Variants in CDKAL1 observed in about 807,000 individuals in gnomAD.
The protein encoded by CDKAL1 is CDKAL1 threonylcarbamoyladenosine tRNA methylthiotransferase.
A neutral mutation model predicts 68.2 loss-of-function variants in CDKAL1; 32 were observed. The ratio of observed to expected loss-of-function variants is 0.47; its 90% CI spans 0.35 to 0.63. CDKAL1 has a LOEUF of 0.63. CDKAL1 is among the 30% of genes least tolerant of loss of function. The pLI, the probability that CDKAL1 is intolerant of heterozygous loss-of-function variation, is 0.00. For synonymous variants in CDKAL1, 234 were observed against 244.3 expected, an observed-to-expected ratio of 0.96 and a Z score of 0.39; for missense variants, 606 against 696.7, an observed-to-expected ratio of 0.87 and a Z score of 1.47.
In CDKAL1 at chr6:20,535,332, A is replaced by T. The variant is rs1763125582; in HGVS notation, c.-49-19A>T. On this transcript the variant is annotated intron_variant, in intron 1 of 15. Transcript: ENST00000274695. The stretch of plus-strand genomic sequence containing the variant: ...ACTTTTTGGGTGCTTACTTTTCCTA[A>T]TCAATTTTTATTTTCCAGACTCATC... 1 of 152,296 alleles carries T rather than the reference A, an allele frequency of 6.6e-6. No homozygotes were observed. Among genetic ancestry groups the T allele is most frequent in the East Asian group, 1.9e-4 (1 of 5,340 alleles). The allele number at this position is 152,296 out of a possible 1,614,324, so 9.4% of individuals were successfully genotyped here.
intron 7 of CDKAL1, among the ~76,000 whole-genome samples, chr6:20,774,189 A>G (rs902323619): frequency 2.6e-5 from 4 of 152,214 alleles, no homozygotes; most frequent in Non-Finnish European, 5.9e-5. Flanking sequence ...TGGGCTGTTT[A>G]TAGAGCCTTT....
chr6:21,158,940 T>C (rs1298705729), intron 13 of CDKAL1, among the ~76,000 whole-genome samples: 1 of 152,200 alleles, frequency 6.6e-6, no homozygotes, highest in African/African-American at 2.4e-5. Context: ...ATCATGTGTA[T>C]AATTATACAT....
intron 4 of CDKAL1, among the ~76,000 whole-genome samples, chr6:20,585,143 G>A (rs923386484): frequency 1.2e-4 from 18 of 145,274 alleles, no homozygotes; most frequent in African/African-American, 4.1e-4. Context: ...TGCAAGCTCC[G>A]CCTCCCGGGT....
intron 13 of CDKAL1, among the ~76,000 whole-genome samples, chr6:21,166,380 C>T (rs1777153956): frequency 6.6e-6 from 1 of 152,048 alleles, no homozygotes; most frequent in African/African-American, 2.4e-5. Context: ...AAGAAAATTC[C>T]CCTACCAGTT....
chr6:21,129,682 C>CAAAAAAAAAAAAAAAAAAA (rs34802727), intron 13 of CDKAL1, among the ~76,000 whole-genome samples: 1 of 69,018 alleles, frequency 1.4e-5, no homozygotes, highest in Non-Finnish European at 2.6e-5. Flanking sequence ...TGCAGTTTAC[C>CAAAAAAAAAAAAAAAAAAA]AAAAAAAAAA....
intron 9 of CDKAL1, among the ~76,000 whole-genome samples, chr6:20,857,524 G>A (rs1470310061): frequency 1.3e-5 from 2 of 152,180 alleles, no homozygotes; most frequent in African/African-American, 2.4e-5. Flanking sequence ...AGTTATTGAG[G>A]TCATTGGCAC....
chr6:20,673,196 G>T (rs906927193), intron 5 of CDKAL1, among the ~76,000 whole-genome samples: 3 of 152,136 alleles, frequency 2.0e-5, no homozygotes, highest in Admixed American at 2.0e-4. Flanking sequence ...GTGTCTTTTA[G>T]CAGTGTCTTC....
intron 9 of CDKAL1, among the ~76,000 whole-genome samples, chr6:20,904,124 T>C (rs1167497924): frequency 6.6e-6 from 1 of 152,216 alleles, no homozygotes; most frequent in Non-Finnish European, 1.5e-5. Flanking sequence ...TGGGTGCTGA[T>C]TGCTGCTTTT....
chr6:21,034,168 A>G (rs114705058), intron 11 of CDKAL1, among the ~76,000 whole-genome samples: 1,551 of 152,286 alleles, frequency 0.01, 31 homozygotes, highest in African/African-American at 0.035. Context: ...CAGGGACAAA[A>G]ACAAAGCCCG....
Position 20,819,715 on chromosome 6 carries a change from T to C in CDKAL1, c.639-26360T>C, listed in dbSNP as rs894429907. On this transcript the variant is annotated intron_variant, in intron 8 of 15. Transcript: ENST00000274695. The stretch of plus-strand genomic sequence containing the variant: ...TCTATACTTCGAAATAAATGTAAAG[T>C]GTGAAAATATTTTCAAATGTGTTTG... Among the ~76,000 whole-genome samples, 5 of 152,290 alleles carry C rather than the reference T, an allele frequency of 3.3e-5. No individual in the cohort carries two copies. In the East Asian group the frequency reaches 9.6e-4, roughly 29 times the overall value.
chr6:20,627,796 G>C (rs951416660), intron 4 of CDKAL1, among the ~76,000 whole-genome samples: 21 of 152,218 alleles, frequency 1.4e-4, no homozygotes, highest in African/African-American at 4.6e-4. Flanking sequence ...TGTAGATCCT[G>C]TGTATGTTTT....
intron 13 of CDKAL1, among the ~76,000 whole-genome samples, chr6:21,143,588 G>A (rs189215859): frequency 3.3e-5 from 5 of 152,082 alleles, no homozygotes; most frequent in African/African-American, 1.2e-4. Flanking sequence ...TTTTTAGGTG[G>A]TGCCTTGCCT....
At position 20,587,207 on chromosome 6, in the gene CDKAL1, G is replaced by A. The variant is rs190283552; in HGVS notation, c.286+38502G>A. The stretch of plus-strand genomic sequence containing the variant: ...TTGCCATTTTGGCCAAGCTGATCTC[G>A]AACTCCTGACCTCAGGTGATCCACC... On this transcript the variant is annotated intron_variant, in intron 4 of 15. Coordinates refer to ENST00000274695, the MANE Select transcript of CDKAL1 (RefSeq NM_017774.3). 3.3e-3 allele frequency among the ~76,000 whole-genome samples: 498 copies of A among 151,920 alleles called. 1 individual carries two copies. Among genetic ancestry groups the A allele is most frequent in the African/African-American group, 0.011 (467 of 41,444 alleles).
intron 9 of CDKAL1, among the ~76,000 whole-genome samples, chr6:20,874,198 T>C (rs780944539): frequency 4.9e-4 from 74 of 152,262 alleles, no homozygotes; most frequent in Admixed American, 2.5e-3. Context: ...AATGGTATGG[T>C]AGATGATGAA....
At chr6:21,111,900 T>C (rs1012935290) in intron 13 of CDKAL1, among the ~76,000 whole-genome samples, 3 of 152,220 alleles carry the variant, frequency 2.0e-5, no homozygotes, top group Non-Finnish European at 4.4e-5. Context: ...TAATCCAAAG[T>C]AGCAGATAAT....
chr6:20,787,133 CT>C (rs1407465516), intron 8 of CDKAL1, among the ~76,000 whole-genome samples: 3 of 152,232 alleles, frequency 2.0e-5, no homozygotes, highest in African/African-American at 7.2e-5. Flanking sequence ...TTTACTGATA[CT>C]TTATCTTTTA....
intron 11 of CDKAL1, among the ~76,000 whole-genome samples, chr6:21,034,653 A>T (rs1769477430): frequency 6.6e-6 from 1 of 152,190 alleles, no homozygotes; most frequent in Non-Finnish European, 1.5e-5. Flanking sequence ...TTTTCTGTTA[A>T]ATCAGGCCAA....
intron 4 of CDKAL1, among the ~76,000 whole-genome samples, chr6:20,570,553 A>G (rs1008977614): frequency 6.6e-6 from 1 of 152,184 alleles, no homozygotes; most frequent in Admixed American, 6.5e-5. Flanking sequence ...GGCATCTGCC[A>G]CCACTGCCAG....
intron 15 of CDKAL1, among the ~76,000 whole-genome samples, chr6:21,228,150 C>CG (rs1044392709): frequency 1.1e-4 from 17 of 152,112 alleles, no homozygotes; most frequent in Non-Finnish European, 1.3e-4. Context: ...TAGCCAGTTT[C>CG]GGGGTCTCTC....
Sources: gnomAD v4.1 joint callset for allele counts (sites outside exome capture counted in the v4.1 genomes callset) on GRCh38, gnomAD v4.1.1 for gene constraint, MANE v1.5 for transcripts, NCBI Gene and HGNC (gene_info 2026-07-23, HGNC 2026-07-21) for gene names.